Variants in TBC1D30 observed in about 807,000 individuals in gnomAD.
The protein encoded by TBC1D30 is TBC1 domain family member 30.
TBC1D30 carries 31 observed loss-of-function variants against 63.2 expected under a neutral mutation model. The observed-to-expected ratio is 0.49, with a 90% confidence interval of 0.37 to 0.66. TBC1D30 has a LOEUF of 0.66. Among genes scored for constraint, TBC1D30 ranks in the 30% least tolerant of loss-of-function variants. The pLI is 0.00. For missense variants in TBC1D30, 810 were observed against 953.6 expected, an observed-to-expected ratio of 0.85 and a Z score of 1.98; for synonymous variants, 307 against 361.5, an observed-to-expected ratio of 0.85 and a Z score of 1.71.
At chr12:64,870,948 T>C (rs1878608229) in intron 11 of TBC1D30, 140 bp downstream of exon 11, 1 of 796,596 alleles carries the variant, frequency 1.3e-6, no homozygotes, top group Admixed American at 2.8e-5. Flanking sequence ...TAATAGCATA[T>C]TTAGCATCTC....
chr12:64,822,560 C>T (rs1041291153), upstream of TBC1D30, among the ~76,000 whole-genome samples: 13 of 152,012 alleles, frequency 8.6e-5, no homozygotes, highest in South Asian at 2.1e-4. Flanking sequence ...TACAGTGGTG[C>T]GATAATGGCT....
At chr12:64,767,609 T>G (rs1870758377) in intron 1 of TBC1D30, among the ~76,000 whole-genome samples, 1 of 152,126 alleles carries the variant, frequency 6.6e-6, no homozygotes, top group Non-Finnish European at 1.5e-5. Context: ...CTCATCTCTG[T>G]GTCACAATAT....
At chr12:64,827,607 A>T (rs919950193) in intron 1 of TBC1D30, among the ~76,000 whole-genome samples, 7 of 152,178 alleles carry the variant, frequency 4.6e-5, no homozygotes, top group African/African-American at 1.7e-4. Flanking sequence ...CCAGGCATCT[A>T]TGTAAACCAC....
chr12:64,827,894 C>T lies in TBC1D30; in HGVS notation c.214C>T (p.Gln72Ter). Residue 72 changes from glutamine (Q) to a stop codon, truncating the protein, a stop_gained and splice_region_variant, in exon 2 of 12, where the codon CAG becomes TAG. Coordinates refer to ENST00000539867, the MANE Select transcript of TBC1D30 (RefSeq NM_015279.2). LOFTEE classifies it high-confidence loss of function. The stretch of plus-strand genomic sequence containing the variant: ...ATCTTTAGGTCAAAATGGTTTTCAG[C>T]AGGTAACTTTGATTTTGAAAACACT... ...EPSLGQNGFQQWYDALKAVAR... is the reference protein window; with the variant it reads ...EPSLGQNGFQ 2 of 1,533,606 alleles carry T rather than the reference C, an allele frequency of 1.3e-6. No homozygotes were observed. The highest frequency in any genetic ancestry group is 1.7e-6 in the Non-Finnish European group (2 of 1,145,588). 95.0% of individuals were successfully genotyped at this position (1,533,606 alleles called of 1,614,324 possible).
At chr12:64,840,693 A>G (rs546326580) in intron 7 of TBC1D30, among the ~76,000 whole-genome samples, 1 of 152,356 alleles carries the variant, frequency 6.6e-6, no homozygotes, top group South Asian at 2.1e-4. Flanking sequence ...CTAATTACTA[A>G]GTGGAATGGC....
intron 8 of TBC1D30, among the ~76,000 whole-genome samples, chr12:64,858,847 G>C (rs1295393572): frequency 6.6e-6 from 1 of 152,198 alleles, no homozygotes; most frequent in Non-Finnish European, 1.5e-5. Context: ...GCACAGTGTG[G>C]GGAGTGCGTC....
intron 1 of TBC1D30, chr12:64,825,370 C>CGGTG (rs1874232633): frequency 3.4e-6 from 1 of 290,226 alleles, no homozygotes; most frequent in Non-Finnish European, 6.4e-6. Flanking sequence ...GCCGCACCAC[C>CGGTG]TATTGTGTTC....
At chr12:64,795,206 A>T (rs530733492) in intron 2 of TBC1D30, among the ~76,000 whole-genome samples, 2 of 152,218 alleles carry the variant, frequency 1.3e-5, no homozygotes, top group Non-Finnish European at 2.9e-5. Context: ...CAAGTCTTTC[A>T]TCTGGGCTGG....
rs5798754 is a variant in TBC1D30 at position 64,784,870 on chromosome 12, TAA to T, written c.479-999_479-998del. On this transcript the variant is annotated intron_variant, in intron 1 of 12. Coordinates refer to the TBC1D30 transcript ENST00000542120. ...TCCTGGAACTTAAAGTAAAATAAAG[TAA>T]AAAAAAAAAAACTGCTGTTGTGAAT... Among the ~76,000 whole-genome samples the T allele has an allele frequency of 6.3e-4, 93 of 148,042 alleles. 1 individual carries two copies. Among genetic ancestry groups the T allele is most frequent in the East Asian group, 1.8e-3 (9 of 5,074 alleles).
chr12:64,809,249 C>G (rs182432758), intron 2 of TBC1D30, among the ~76,000 whole-genome samples: 188 of 147,354 alleles, frequency 1.3e-3, no homozygotes, highest in African/African-American at 4.2e-3. Context: ...CCTTTGCCCC[C>G]CTCCCATTCT....
In TBC1D30 at chr12:64,818,397, A is replaced by G. The variant is rs940386925; in HGVS notation, c.644-9438A>G. On this transcript the variant is annotated intron_variant, in intron 2 of 12. Coordinates refer to the TBC1D30 transcript ENST00000542120. ...AGTATTTTAAAGGACCTTTCACACA[A>G]TCCTTGTGTCCTTGTCACTACTCAC... 5.1e-6 allele frequency: 5 copies of G among 983,870 alleles called. No homozygotes were observed. In the African/African-American group the frequency reaches 5.3e-5, roughly 10 times the overall value. 60.9% of individuals were successfully genotyped at this position (983,870 alleles called of 1,614,324 possible).
At chr12:64,835,216 G>A (rs1405003694) in intron 5 of TBC1D30, among the ~76,000 whole-genome samples, 2 of 152,122 alleles carry the variant, frequency 1.3e-5, no homozygotes, top group African/African-American at 2.4e-5. Context: ...AACATAAGAA[G>A]GCTAAGGCCT....
chr12:64,809,354 G>T (rs1873071182), intron 2 of TBC1D30, among the ~76,000 whole-genome samples: 1 of 151,824 alleles, frequency 6.6e-6, no homozygotes, highest in Non-Finnish European at 1.5e-5. Flanking sequence ...ATGATATTTG[G>T]TTGTCCATTA....
At chr12:64,781,396 T>TA (rs776374426) in intron 1 of TBC1D30, 5 of 986,332 alleles carry the variant, frequency 5.1e-6, no homozygotes, top group Non-Finnish European at 6.1e-6. Context: ...AGCGCTCAGA[T>TA]ACTGTCTCTT....
upstream of TBC1D30, among the ~76,000 whole-genome samples, chr12:64,821,306 A>G (rs1055313444): frequency 1.3e-5 from 2 of 152,232 alleles, no homozygotes; most frequent in Non-Finnish European, 2.9e-5. Flanking sequence ...CTTGGTGAGC[A>G]TGACGTCAGA....
rs575220572 is a variant in TBC1D30 at position 64,867,100 on chromosome 12, C to A, written c.1291+197C>A. 2.0e-5 allele frequency among the ~76,000 whole-genome samples: 3 copies of A among 152,108 alleles called. No homozygotes were observed. In the South Asian group the frequency reaches 6.2e-4, roughly 32 times the overall value. ...GCTGAGACAGCATGATCATTTGAAGCCAGGTTTTCAAGACTAGCCTGAGCA... is the reference window on the plus strand; with the variant it reads ...GCTGAGACAGCATGATCATTTGAAGACAGGTTTTCAAGACTAGCCTGAGCA... On this transcript the variant is annotated intron_variant, in intron 10 of 11. Transcript: ENST00000539867.
At chr12:64,773,417 G>A (rs1199462124) in intron 1 of TBC1D30, among the ~76,000 whole-genome samples, 1 of 152,034 alleles carries the variant, frequency 6.6e-6, no homozygotes, top group Non-Finnish European at 1.5e-5. Context: ...GCCTCTAGGT[G>A]TTGAAGAGCC....
chr12:64,770,092 C>G (rs1870851337), intron 1 of TBC1D30, among the ~76,000 whole-genome samples: 1 of 152,178 alleles, frequency 6.6e-6, no homozygotes, highest in African/African-American at 2.4e-5. Flanking sequence ...TTAATTAATA[C>G]TAGGCTCATC....
intron 2 of TBC1D30, among the ~76,000 whole-genome samples, chr12:64,789,261 T>C (rs1388854672): frequency 1.3e-5 from 2 of 151,390 alleles, no homozygotes; most frequent in African/African-American, 4.9e-5. Flanking sequence ...CTTGGCTCAT[T>C]GCAATCTCTG....
Sources: allele counts gnomAD v4.1 joint callset (sites outside exome capture counted in the v4.1 genomes callset), GRCh38; gene constraint gnomAD v4.1.1; transcripts MANE v1.5; gene names NCBI Gene and HGNC (gene_info 2026-07-23, HGNC 2026-07-21).